Variants in STX18 observed in about 807,000 individuals in gnomAD.
The protein encoded by STX18 is syntaxin 18.
Under a neutral mutation model 50.1 loss-of-function variants are expected in STX18, and 40 were observed. The ratio of observed to expected loss-of-function variants is 0.80; its 90% CI spans 0.62 to 1.04. The LOEUF (loss-of-function observed/expected upper bound fraction) is 1.04. Ranked by LOEUF, STX18 falls within the 50% of genes least tolerant of loss-of-function variation. The pLI, the probability that STX18 is intolerant of heterozygous loss-of-function variation, is 0.00. For synonymous variants in STX18, 158 were observed against 151.8 expected (o/e 1.04, Z -0.30); for missense variants, 410 against 415.8 (o/e 0.99, Z 0.12).
intron 1 of STX18, among the ~76,000 whole-genome samples, chr4:4,488,731 C>A (rs1728804868): frequency 1.3e-5 from 2 of 152,128 alleles, no homozygotes; most frequent in Admixed American, 1.3e-4. Context: ...GTCATGCAGA[C>A]CAATTGCTCC....
chr4:4,421,324 CT>C (rs34959206), intron 9 of STX18, among the ~76,000 whole-genome samples: 17,488 of 146,084 alleles, frequency 0.12, 1,807 homozygotes, highest in African/African-American at 0.29. Context: ...AGGACTGAGA[CT>C]TTTTTTTTTT....
chr4:4,481,969 C>T (rs78029324), intron 1 of STX18, among the ~76,000 whole-genome samples: 5,899 of 152,250 alleles, frequency 0.039, 127 homozygotes, highest in Non-Finnish European at 0.049. Flanking sequence ...CCCCCAATTC[C>T]TACTGAGGGG....
rs1724907551 is a variant in STX18 at position 4,420,800 on chromosome 4, AAC to A, written c.912+62_912+63del. 1.1e-5 allele frequency: 16 copies of A among 1,455,704 alleles called. No homozygotes were observed. In the East Asian group the frequency reaches 3.4e-4, roughly 31 times the overall value. 90.2% of individuals were successfully genotyped at this position (1,455,704 alleles called of 1,614,324 possible). A position where few individuals can be genotyped will look rare whatever the true frequency, so the allele number is the denominator to read the frequency against. On this transcript the variant is annotated intron_variant, in intron 10 of 10. Coordinates refer to ENST00000306200, the MANE Select transcript of STX18 (RefSeq NM_016930.4). The surrounding 1 kb of genome is among the most constrained non-coding windows in gnomAD (Gnocchi z 4.3). Reference sequence around the variant, plus strand: ...CCTGGGCAGCTGTGCCGGCGAGACTAACACCCGCTGCTGGGACTCAGTGCTGC... The same window carrying A: ...CCTGGGCAGCTGTGCCGGCGAGACTAACCCGCTGCTGGGACTCAGTGCTGC...
chr4:4,537,010 C>T (rs1157662155), intron 1 of STX18, among the ~76,000 whole-genome samples: 8 of 152,202 alleles, frequency 5.3e-5, no homozygotes, highest in African/African-American at 1.2e-4. Context: ...GGCAGACCTG[C>T]GGCTAGAACA....
chr4:4,455,425 T>C (rs994638829), intron 5 of STX18, among the ~76,000 whole-genome samples: 1 of 152,220 alleles, frequency 6.6e-6, no homozygotes, highest in Non-Finnish European at 1.5e-5. Context: ...TTCACATCTG[T>C]TTCACAAATG....
intron 5 of STX18, among the ~76,000 whole-genome samples, chr4:4,456,269 A>T (rs184713608): frequency 9.2e-5 from 14 of 151,988 alleles, no homozygotes; most frequent in African/African-American, 3.4e-4. Context: ...AAAACAAAAA[A>T]AACAAAAAAA....
intron 5 of STX18, among the ~76,000 whole-genome samples, chr4:4,440,689 CAG>C (rs1479612044): frequency 1.3e-5 from 2 of 152,208 alleles, no homozygotes; most frequent in Non-Finnish European, 2.9e-5. Context: ...ACTCTCTTCA[CAG>C]AGTTTTTTGA....
intron 5 of STX18, among the ~76,000 whole-genome samples, chr4:4,441,911 A>G (rs1037469604): frequency 6.6e-6 from 1 of 152,248 alleles, no homozygotes; most frequent in Non-Finnish European, 1.5e-5. Flanking sequence ...ATGCATATGG[A>G]ATGATAGGCA....
Position 4,465,353 on chromosome 4 carries a change from A to C in STX18, c.237-5866T>G, listed in dbSNP as rs147980432. Reference sequence around the variant, plus strand: ...ATAGCAAAGACATGGAATCAACCTAAATGCCCATCAATGAATGATAGACTG... The same window carrying C: ...ATAGCAAAGACATGGAATCAACCTACATGCCCATCAATGAATGATAGACTG... On this transcript the variant is annotated intron_variant, in intron 2 of 10. Coordinates refer to ENST00000306200, the MANE Select transcript of STX18 (RefSeq NM_016930.4). Among the ~76,000 whole-genome samples, 20 of 152,338 alleles carry C rather than the reference A, an allele frequency of 1.3e-4. No individual in the cohort carries two copies. In the Middle Eastern group the frequency reaches 0.014, roughly 104 times the overall value.
intron 1 of STX18, among the ~76,000 whole-genome samples, chr4:4,532,228 A>C (rs1560213717): frequency 6.6e-6 from 1 of 152,224 alleles, no homozygotes; most frequent in Non-Finnish European, 1.5e-5. Context: ...AAAGTTAAAC[A>C]CCAGAATTTT....
chr4:4,420,007 T>C lies in STX18; in HGVS notation c.*27A>G, dbSNP rs756708292. ...GCAGTCTGTGAGTGCCCATGAGGACTCTCGTGCTGGGCCCCCGTGGCCCTG... is the reference window on the plus strand; with the variant it reads ...GCAGTCTGTGAGTGCCCATGAGGACCCTCGTGCTGGGCCCCCGTGGCCCTG... On this transcript the variant is annotated 3_prime_UTR_variant, in exon 11 of 11. Coordinates refer to ENST00000306200, the MANE Select transcript of STX18 (RefSeq NM_016930.4). This position sits in a 1 kb window ranked among gnomAD's most constrained non-coding sequence, Gnocchi z 4.3. 1 of 1,585,808 alleles carries C rather than the reference T, an allele frequency of 6.3e-7. No homozygotes were observed. The highest frequency in any genetic ancestry group is 8.6e-7 in the Non-Finnish European group (1 of 1,162,752).
At position 4,438,577 on chromosome 4, in the gene STX18, G is replaced by A. The variant is rs920819056; in HGVS notation, c.498-68C>T. On this transcript the variant is annotated intron_variant, in intron 5 of 10. Coordinates refer to ENST00000306200, the MANE Select transcript of STX18 (RefSeq NM_016930.4). Reference sequence around the variant, plus strand: ...CAGGATTCCTTTTTGAAAACAGAAGGAGTCACATGTGACCCTGCGCTTTTG... The same window carrying A: ...CAGGATTCCTTTTTGAAAACAGAAGAAGTCACATGTGACCCTGCGCTTTTG... 9 of 1,305,212 alleles carry A rather than the reference G, an allele frequency of 6.9e-6. No homozygotes were observed. The Admixed American group carries it at 1.2e-4, about 18-fold the overall frequency. The allele number at this position is 1,305,212 out of a possible 1,614,324, so 80.9% of individuals were successfully genotyped here.
At chr4:4,519,539 T>C (rs1270140512) in intron 1 of STX18, among the ~76,000 whole-genome samples, 1 of 152,168 alleles carries the variant, frequency 6.6e-6, no homozygotes, top group African/African-American at 2.4e-5. Context: ...GTTAATAGAA[T>C]TAACATGCTG....
chr4:4,471,129 G>A (rs1455497652), intron 2 of STX18, among the ~76,000 whole-genome samples: 1 of 152,190 alleles, frequency 6.6e-6, no homozygotes, highest in Non-Finnish European at 1.5e-5. Context: ...AAGGACAAAA[G>A]AAGAAAATGG....
chr4:4,467,415 T>C (rs965461868), intron 2 of STX18, among the ~76,000 whole-genome samples: 2 of 152,184 alleles, frequency 1.3e-5, no homozygotes, highest in African/African-American at 4.8e-5. Flanking sequence ...TCTCGTTCGC[T>C]GTCATAACTT....
rs755228249 is a variant in STX18, at chr4:4,434,721, C to A, written c.702+49G>T. 6 of 1,503,850 alleles carry A rather than the reference C, an allele frequency of 4.0e-6. No homozygotes were observed. In the African/African-American group the frequency reaches 8.4e-5, roughly 21 times the overall value. 93.2% of individuals were successfully genotyped at this position (1,503,850 alleles called of 1,614,324 possible). On this transcript the variant is annotated intron_variant, in intron 7 of 10. Transcript: ENST00000306200. ...ATGAGTTTCTCCTTAGTGAAACAGT[C>A]TTATGAAAACCAGTTAAAAATAAAT... is the stretch of plus-strand genomic sequence containing the variant.
chr4:4,529,163 A>G (rs990135216), intron 1 of STX18, among the ~76,000 whole-genome samples: 3 of 152,146 alleles, frequency 2.0e-5, no homozygotes, highest in Admixed American at 6.5e-5. Flanking sequence ...GGAGATCGAG[A>G]CTATCCTGGC....
intron 8 of STX18, among the ~76,000 whole-genome samples, chr4:4,424,942 C>T (rs764865290): frequency 3.3e-4 from 50 of 152,270 alleles, no homozygotes; most frequent in Middle Eastern, 3.4e-3. Context: ...CTGGGCCCCC[C>T]GCAGCAGTGG....
intron 7 of STX18, among the ~76,000 whole-genome samples, chr4:4,433,304 C>A (rs1381531330): frequency 2.6e-5 from 4 of 152,056 alleles, no homozygotes; most frequent in African/African-American, 9.7e-5. Context: ...ACTGATGATC[C>A]CATTTTACCA....
Sources: gnomAD v4.1 joint callset for allele counts (sites outside exome capture counted in the v4.1 genomes callset) on GRCh38, gnomAD v4.1.1 for gene constraint, Gnocchi (gnomAD v3.1) non-coding constraint, MANE v1.5 for transcripts, NCBI Gene and HGNC (gene_info 2026-07-23, HGNC 2026-07-21) for gene names.